The following MEF2A variants were observed in gnomAD, a reference collection of about 807,000 sequenced individuals.
MEF2A encodes myocyte-specific enhancer factor 2A.
In MEF2A, 28 loss-of-function variants were observed where a neutral mutation model predicts 55.8. That is an observed-to-expected ratio of 0.50 (90% CI 0.37 to 0.69). The LOEUF (loss-of-function observed/expected upper bound fraction) is 0.69. Among genes scored for constraint, MEF2A ranks in the 30% least tolerant of loss-of-function variants. The pLI is 0.00. For synonymous variants in MEF2A, 239 were observed against 227.1 expected (o/e 1.05, Z -0.47); for missense variants, 528 against 626.2 (o/e 0.84, Z 1.67).
intron 2 of MEF2A, among the ~76,000 whole-genome samples, chr15:99,612,959 G>A (rs2039543627): frequency 6.6e-6 from 1 of 151,950 alleles, no homozygotes; most frequent in Admixed American, 6.6e-5. Context: ...GTAATTCAAG[G>A]AAACGGGAGA....
chr15:99,596,095 AG>A (rs943014312), intron 1 of MEF2A, among the ~76,000 whole-genome samples: 12 of 152,296 alleles, frequency 7.9e-5, no homozygotes, highest in African/African-American at 2.9e-4. Flanking sequence ...GATTTTTTAC[AG>A]TATTGTCTTT....
In MEF2A at chr15:99,674,528, A is replaced by G. The variant is rs750924361; in HGVS notation, c.526A>G (p.Ser176Gly). Residue 176 changes from serine to glycine, a missense_variant, in exon 6 of 12, where the codon AGC becomes GGC. Transcript: ENST00000557942. ...LAASSTLTDS[S>G]MLSPPQTTLH... ...AGCCAGCTCAACGTTAACAGATTCAAGCATGCTCTCTCCACCTCAAACCAC... is the reference window on the plus strand; with the variant it reads ...AGCCAGCTCAACGTTAACAGATTCAGGCATGCTCTCTCCACCTCAAACCAC... 5.6e-6 allele frequency: 9 copies of G among 1,613,982 alleles called. No individual in the cohort carries two copies. The highest frequency in any genetic ancestry group is 7.6e-6 in the Non-Finnish European group (9 of 1,179,888).
intron 1 of MEF2A, among the ~76,000 whole-genome samples, chr15:99,587,923 C>G (rs1967896225): frequency 6.7e-6 from 1 of 148,600 alleles, no homozygotes; most frequent in South Asian, 2.2e-4. Flanking sequence ...TTTTCTTTTT[C>G]TTACATTATT....
intron 1 of MEF2A, among the ~76,000 whole-genome samples, chr15:99,580,178 GA>G (rs1253254873): frequency 3.9e-5 from 6 of 152,258 alleles, no homozygotes; most frequent in Middle Eastern, 6.8e-3. Flanking sequence ...GAGTTTGGGG[GA>G]TCAGTCAAAG....
rs1436415876 is a variant in MEF2A, at chr15:99,714,078, C to T, written c.*1307C>T. 1.3e-5 allele frequency: 2 copies of T among 151,998 alleles called. No homozygotes were observed. The highest frequency in any genetic ancestry group is 2.4e-5 in the African/African-American group (1 of 41,370). The allele number at this position is 151,998 out of a possible 1,614,324, so 9.4% of individuals were successfully genotyped here. A position where few individuals can be genotyped will look rare whatever the true frequency, so the allele number is the denominator to read the frequency against. On this transcript the variant is annotated 3_prime_UTR_variant, in exon 12 of 12. Coordinates refer to ENST00000557942, the MANE Select transcript of MEF2A (RefSeq NM_001319206.4). ...AGAGGATTGTATAAAGGGGTTTCTC[C>T]CCTCACTGGTGGTGAATGTGTGATG... is the stretch of plus-strand genomic sequence containing the variant.
chr15:99,633,811 G>C (rs1316010132), intron 3 of MEF2A, among the ~76,000 whole-genome samples: 2 of 151,984 alleles, frequency 1.3e-5, no homozygotes, highest in African/African-American at 2.4e-5. Flanking sequence ...ACAAACTATG[G>C]TCCATGGGCT....
intron 3 of MEF2A, among the ~76,000 whole-genome samples, chr15:99,635,727 T>C (rs141462695): frequency 0.034 from 5,233 of 152,278 alleles, 320 homozygotes; most frequent in African/African-American, 0.12. Flanking sequence ...AATTTATCAG[T>C]GGTATTGTTG....
At chr15:99,685,299 C>T (rs958518389) in intron 7 of MEF2A, among the ~76,000 whole-genome samples, 4 of 152,144 alleles carry the variant, frequency 2.6e-5, no homozygotes, top group Admixed American at 6.5e-5. Flanking sequence ...TGGCCATTTT[C>T]ACAATATTTA....
At chr15:99,570,356 C>G (rs1365386876) in intron 1 of MEF2A, among the ~76,000 whole-genome samples, 1 of 152,080 alleles carries the variant, frequency 6.6e-6, no homozygotes, top group South Asian at 2.1e-4. Context: ...AAAATACAAA[C>G]TTCAAAAACA....
intron 2 of MEF2A, among the ~76,000 whole-genome samples, chr15:99,613,651 G>A (rs2039680621): frequency 6.6e-6 from 1 of 152,196 alleles, no homozygotes. Context: ...GGAAGGCAGG[G>A]AAAGGTTATC....
rs184385180 is a variant in MEF2A, at chr15:99,639,875, G to T, written c.55-5686G>T. Among the ~76,000 whole-genome samples the T allele has an allele frequency of 1.8e-4, 28 of 152,006 alleles. No individual in the cohort carries two copies. The East Asian group carries it at 1.9e-3, about 10-fold the overall frequency. Reference sequence around the variant, plus strand: ...ATTTTGTGCTGGGTTGTTGGTTTTGGTTTTTTTCTCTTAGAAGTTCTTTAC... The same window carrying T: ...ATTTTGTGCTGGGTTGTTGGTTTTGTTTTTTTTCTCTTAGAAGTTCTTTAC... On this transcript the variant is annotated intron_variant, in intron 3 of 11. Coordinates refer to ENST00000557942, the MANE Select transcript of MEF2A (RefSeq NM_001319206.4).
chr15:99,708,401 C>T (rs1205218250), intron 10 of MEF2A, among the ~76,000 whole-genome samples: 2 of 152,146 alleles, frequency 1.3e-5, no homozygotes, highest in African/African-American at 4.8e-5. Flanking sequence ...TTAGAAATTC[C>T]ACTATACTTA....
At chr15:99,592,213 T>A (rs1412681316) in intron 1 of MEF2A, among the ~76,000 whole-genome samples, 1 of 152,190 alleles carries the variant, frequency 6.6e-6, no homozygotes, top group African/African-American at 2.4e-5. Context: ...GTGCTGCTGC[T>A]GCATTTTCTA....
At chr15:99,688,788 A>G (rs1307447996) in intron 7 of MEF2A, among the ~76,000 whole-genome samples, 2 of 152,106 alleles carry the variant, frequency 1.3e-5, no homozygotes, top group African/African-American at 4.8e-5. Flanking sequence ...TAAAAATAAA[A>G]TGCTTCCTCA....
chr15:99,692,146 A>G (rs1323566856), intron 8 of MEF2A, among the ~76,000 whole-genome samples: 1 of 152,204 alleles, frequency 6.6e-6, no homozygotes, highest in Non-Finnish European at 1.5e-5. Context: ...CTTTGGTATA[A>G]TGCTTTATAG....
intron 3 of MEF2A, among the ~76,000 whole-genome samples, chr15:99,634,287 G>T (rs1007366998): frequency 6.6e-6 from 1 of 152,104 alleles, no homozygotes; most frequent in African/African-American, 2.4e-5. Context: ...AGGAGGCCCT[G>T]GTTTCAACTC....
chr15:99,678,636 G>T (rs2052586159), intron 7 of MEF2A: 9 of 984,540 alleles, frequency 9.1e-6, no homozygotes, highest in Non-Finnish European at 9.6e-6. Flanking sequence ...CCCTAAAATT[G>T]GAATACTTCA....
Position 99,630,860 on chromosome 15 carries a change from C to T in MEF2A, c.-142-2118C>T, listed in dbSNP as rs1373224170. On this transcript the variant is annotated intron_variant, in intron 2 of 11. Transcript: ENST00000557942. The stretch of plus-strand genomic sequence containing the variant: ...CCTGATGTGTTTGCCAGGGCTGCTC[C>T]TCCTTGGCAGACCCTAAATCCAAGT... Among the ~76,000 whole-genome samples, 4 of 152,148 alleles carry T rather than the reference C, an allele frequency of 2.6e-5. No individual in the cohort carries two copies. In the East Asian group the frequency reaches 7.7e-4, roughly 29 times the overall value.
chr15:99,577,709 A>G (rs1020872408), intron 1 of MEF2A, among the ~76,000 whole-genome samples: 2 of 152,210 alleles, frequency 1.3e-5, no homozygotes, highest in Non-Finnish European at 2.9e-5. Context: ...GTTTCAATCC[A>G]TAATCCCACA....
Sources: gnomAD v4.1 joint callset for allele counts (sites outside exome capture counted in the v4.1 genomes callset) on GRCh38, gnomAD v4.1.1 for gene constraint, MANE v1.5 for transcripts, NCBI Gene and HGNC (gene_info 2026-07-23, HGNC 2026-07-21) for gene names.